Variants in RIC1 observed in about 807,000 individuals in gnomAD.
The protein encoded by RIC1 is RIC1 partner of RAB6A GEF complex, also known as guanine nucleotide exchange factor subunit RIC1.
In RIC1, 88 loss-of-function variants were observed where a neutral mutation model predicts 169.0. That is an observed-to-expected ratio of 0.52 (90% CI 0.44 to 0.62). The LOEUF (loss-of-function observed/expected upper bound fraction) is 0.62. Ranked by LOEUF, RIC1 falls within the 20% of genes least tolerant of loss-of-function variation. The pLI is 0.00. For missense variants in RIC1, 1,877 were observed against 1,725.5 expected, an observed-to-expected ratio of 1.09 and a Z score of -1.56; for synonymous variants, 790 against 601.5, an observed-to-expected ratio of 1.31 and a Z score of -4.59.
At chr9:5,750,230 CTTCT>C (rs1318401946) in intron 12 of RIC1, among the ~76,000 whole-genome samples, 2 of 151,850 alleles carry the variant, frequency 1.3e-5, no homozygotes, top group Non-Finnish European at 2.9e-5. Flanking sequence ...GGCCATGTTC[CTTCT>C]AAGACTGCCA....
rs565331488 is a variant in RIC1, at chr9:5,759,419, C to T, written c.1992+1968C>T. Among the ~76,000 whole-genome samples, 6 of 152,286 alleles carry T rather than the reference C, an allele frequency of 3.9e-5. No individual in the cohort carries two copies. In the South Asian group the frequency reaches 1.2e-3, roughly 32 times the overall value. On this transcript the variant is annotated intron_variant, in intron 17 of 25. Coordinates refer to ENST00000414202, the MANE Select transcript of RIC1 (RefSeq NM_020829.4). Reference sequence around the variant, plus strand: ...CTGTTGGACAGCTACAAGTCACTAACATGGGGGAAGAAGGAGTGAATCTTC... The same window carrying T: ...CTGTTGGACAGCTACAAGTCACTAATATGGGGGAAGAAGGAGTGAATCTTC...
In RIC1 at chr9:5,770,078, ACT is replaced by A; in HGVS notation, c.3425-6_3425-5del. The stretch of plus-strand genomic sequence containing the variant: ...TCCTCCATTTTTTGTTTTCGGACCC[ACT>A]CTGCAGTGGGAGAGCAGCTGTTAAA... On this transcript the variant is annotated splice_region_variant and splice_polypyrimidine_tract_variant and intron_variant, in intron 22 of 25. Coordinates refer to ENST00000414202, the MANE Select transcript of RIC1 (RefSeq NM_020829.4). 6.2e-7 allele frequency: 1 copy of A among 1,604,906 alleles called. No individual in the cohort carries two copies. The highest frequency in any genetic ancestry group is 8.5e-7 in the Non-Finnish European group (1 of 1,175,244).
At chr9:5,703,055 C>A (rs1351679074) in intron 3 of RIC1, among the ~76,000 whole-genome samples, 1 of 152,150 alleles carries the variant, frequency 6.6e-6, no homozygotes, top group African/African-American at 2.4e-5. Flanking sequence ...TCATGTCTTT[C>A]TCACATTTAA....
chr9:5,762,411 T>C, intron 17 of RIC1, 130 bp from the exon 18 acceptor site: 2 of 1,095,916 alleles, frequency 1.8e-6, no homozygotes, highest in Non-Finnish European at 2.6e-6. Flanking sequence ...CCTAGCAGAA[T>C]GGCTGTACAT....
At position 5,713,880 on chromosome 9, in the gene RIC1, A is replaced by G. The variant is rs370042639; in HGVS notation, c.333-16A>G. 2.7e-5 allele frequency: 43 copies of G among 1,576,360 alleles called. No individual in the cohort carries two copies. In the East Asian group the frequency reaches 5.8e-4, roughly 21 times the overall value. ...AAATTCAGCATCTTTCTTTAACTCT[A>G]TGCTGTTTGTTTTAGAGGAAGTCCA... is the stretch of plus-strand genomic sequence containing the variant. On this transcript the variant is annotated splice_polypyrimidine_tract_variant and intron_variant, in intron 3 of 25. Transcript: ENST00000414202.
intron 4 of RIC1, among the ~76,000 whole-genome samples, chr9:5,714,976 G>C (rs1353208083): frequency 6.6e-6 from 1 of 152,188 alleles, no homozygotes; most frequent in East Asian, 1.9e-4. Context: ...TCTTGTTAGA[G>C]TACTGTACAG....
intron 2 of RIC1, among the ~76,000 whole-genome samples, chr9:5,673,535 G>GATATATATATATATATACATATATATAT (rs1820244441): frequency 8.4e-6 from 1 of 119,302 alleles, no homozygotes; most frequent in African/African-American, 3.6e-5. Context: ...AACATAAGGA[G>GATATATATATATATATACATATATATAT]ATATATATAT....
intron 2 of RIC1, among the ~76,000 whole-genome samples, chr9:5,678,645 T>C (rs1321729360): frequency 6.6e-6 from 1 of 152,258 alleles, no homozygotes; most frequent in Non-Finnish European, 1.5e-5. Context: ...ATAAATGTCT[T>C]CTTTTGAGAA....
At chr9:5,687,413 T>G (rs1050919142) in intron 2 of RIC1, among the ~76,000 whole-genome samples, 1 of 152,214 alleles carries the variant, frequency 6.6e-6, no homozygotes, top group Non-Finnish European at 1.5e-5. Flanking sequence ...TTTAATTTGT[T>G]TCTAGTTTAA....
intron 3 of RIC1, among the ~76,000 whole-genome samples, chr9:5,712,317 T>C (rs1822980646): frequency 6.6e-6 from 1 of 152,222 alleles, no homozygotes; most frequent in African/African-American, 2.4e-5. Flanking sequence ...TGCATTTCTC[T>C]GATGGCCAGT....
intron 1 of RIC1, among the ~76,000 whole-genome samples, chr9:5,642,590 C>G (rs917196619): frequency 9.0e-5 from 13 of 144,742 alleles, no homozygotes; most frequent in Admixed American, 8.7e-4. Context: ...TGTGGCTAAG[C>G]AGGCACTCAA....
intron 2 of RIC1, among the ~76,000 whole-genome samples, chr9:5,663,888 C>A (rs946592428): frequency 5.3e-5 from 8 of 152,090 alleles, no homozygotes; most frequent in African/African-American, 1.9e-4. Context: ...TATGTGGTTC[C>A]TTCATAGTGT....
At chr9:5,640,938 C>T (rs1456334606) in intron 1 of RIC1, among the ~76,000 whole-genome samples, 1 of 151,982 alleles carries the variant, frequency 6.6e-6, no homozygotes, top group Non-Finnish European at 1.5e-5. Flanking sequence ...TCTCTCCTGG[C>T]CTGTAAGATT....
chr9:5,678,305 C>T (rs1015718113), intron 2 of RIC1, among the ~76,000 whole-genome samples: 7 of 152,160 alleles, frequency 4.6e-5, no homozygotes, highest in African/African-American at 1.7e-4. Context: ...CCGCAGTAAA[C>T]ATACGTGTGC....
In RIC1 at chr9:5,685,107, C is replaced by T. The variant is rs547071550; in HGVS notation, c.253-4852C>T. 2.0e-5 allele frequency among the ~76,000 whole-genome samples: 3 copies of T among 151,774 alleles called. No homozygotes were observed. The South Asian group carries it at 6.3e-4, about 32-fold the overall frequency. On this transcript the variant is annotated intron_variant, in intron 2 of 25. Transcript: ENST00000414202. ...ATGAGGGAAGGAGAACTACAAACCA[C>T]TGCTCAAGGAAATAAAAGAGGATAC...
At chr9:5,677,838 C>G (rs974554429) in intron 2 of RIC1, among the ~76,000 whole-genome samples, 4 of 151,674 alleles carry the variant, frequency 2.6e-5, no homozygotes, top group African/African-American at 9.7e-5. Context: ...ACCATGTTTA[C>G]TCTTTTTTTT....
intron 12 of RIC1, among the ~76,000 whole-genome samples, chr9:5,751,031 A>T (rs1323892743): frequency 6.6e-6 from 1 of 151,862 alleles, no homozygotes; most frequent in Non-Finnish European, 1.5e-5. Flanking sequence ...TATTGATCAT[A>T]GTGTGATCAT....
intron 2 of RIC1, among the ~76,000 whole-genome samples, chr9:5,684,800 T>C (rs985471573): frequency 6.6e-6 from 1 of 152,198 alleles, no homozygotes; most frequent in Non-Finnish European, 1.5e-5. Flanking sequence ...GTTATAAATA[T>C]TTTATAAATC....
chr9:5,673,085 G>T (rs919183542), intron 2 of RIC1, among the ~76,000 whole-genome samples: 1 of 152,146 alleles, frequency 6.6e-6, no homozygotes, highest in African/African-American at 2.4e-5. Flanking sequence ...TCCTAGGTTA[G>T]TGAGAGATAG....
Sources: gnomAD v4.1 joint callset for allele counts (sites outside exome capture counted in the v4.1 genomes callset) on GRCh38, gnomAD v4.1.1 for gene constraint, MANE v1.5 for transcripts, NCBI Gene and HGNC (gene_info 2026-07-23, HGNC 2026-07-21) for gene names.